The following CSMD1 variants were observed in gnomAD, a reference collection of about 807,000 sequenced individuals.
The protein encoded by CSMD1 is CUB and sushi domain-containing protein 1.
A neutral mutation model predicts 417.5 loss-of-function variants in CSMD1; 213 were observed. The observed-to-expected ratio is 0.51, with a 90% CI of 0.46 to 0.57. The LOEUF is 0.57. CSMD1 is among the 20% of genes least tolerant of loss of function. The pLI is 0.00. For synonymous variants in CSMD1, 2,862 were observed against 1,736.8 expected (o/e 1.65, Z -16.11); for missense variants, 6,923 against 4,529.7 (o/e 1.53, Z -15.17).
At position 4,419,962 on chromosome 8, in the gene CSMD1, A is replaced by C. The variant is rs1270545528; in HGVS notation, c.406T>G (p.Leu136Val). The change falls in exon 3 of 70, where the codon TTA (leucine) becomes GTA (valine). Residue 136 changes from leucine (L) to valine (V), a missense_variant. Leu to Val is a conservative substitution (Grantham distance 32). Transcript: ENST00000635120. The stretch of plus-strand genomic sequence containing the variant: ...ACAACCAATCTCCTACCTTCATATA[A>C]TGCTTTGAAACCTTGGGCACTCACA... ...FAVSAQGFKA[L>V]YEVLPSHTCG... 6.4e-7 allele frequency: 1 copy of C among 1,573,646 alleles called. No homozygotes were observed. Among genetic ancestry groups the C allele is most frequent in the Non-Finnish European group, 8.6e-7 (1 of 1,156,830 alleles).
At chr8:4,336,133 T>C (rs1800155499) in intron 3 of CSMD1, among the ~76,000 whole-genome samples, 1 of 152,110 alleles carries the variant, frequency 6.6e-6, no homozygotes, top group Non-Finnish European at 1.5e-5. Context: ...TGTATAAACT[T>C]CTCACTTTAA....
chr8:3,451,086 C>A (rs547162781), intron 12 of CSMD1, among the ~76,000 whole-genome samples: 3 of 152,094 alleles, frequency 2.0e-5, no homozygotes, highest in Non-Finnish European at 2.9e-5. Context: ...CATTTTTTCA[C>A]GTCTCTTTTG....
chr8:3,787,138 CAT>C (rs1272399154), intron 5 of CSMD1, among the ~76,000 whole-genome samples: 1 of 152,104 alleles, frequency 6.6e-6, no homozygotes, highest in Admixed American at 6.6e-5. Flanking sequence ...GTAGTCAAAA[CAT>C]ATTCTGAACA....
intron 5 of CSMD1, among the ~76,000 whole-genome samples, chr8:3,991,515 G>C (rs1036097700): frequency 3.3e-5 from 5 of 152,168 alleles, no homozygotes; most frequent in Non-Finnish European, 7.4e-5. Context: ...TGCTCAACAA[G>C]CAAGTATGCT....
chr8:3,706,082 G>T (rs1375770107), intron 7 of CSMD1, among the ~76,000 whole-genome samples: 2 of 152,244 alleles, frequency 1.3e-5, no homozygotes, highest in African/African-American at 4.8e-5. Context: ...CTGGAACGTG[G>T]CCTGGCCTGT....
intron 6 of CSMD1, among the ~76,000 whole-genome samples, chr8:3,718,412 CT>C (rs1166347080): frequency 1.3e-5 from 2 of 152,122 alleles, no homozygotes; most frequent in African/African-American, 4.8e-5. Flanking sequence ...AGTCAGTGTC[CT>C]TTCCTTGGTC....
At chr8:3,047,943 A>T (rs1308575443) in intron 50 of CSMD1, among the ~76,000 whole-genome samples, 1 of 152,206 alleles carries the variant, frequency 6.6e-6, no homozygotes, top group Non-Finnish European at 1.5e-5. Flanking sequence ...GTATTCACAA[A>T]CACCTCAACT....
intron 2 of CSMD1, among the ~76,000 whole-genome samples, chr8:4,555,026 A>G (rs73182999): frequency 0.17 from 25,774 of 152,116 alleles, 2,165 homozygotes; most frequent in Middle Eastern, 0.19. Context: ...AGTAAGACTC[A>G]GAGATGCTGG....
intron 1 of CSMD1, among the ~76,000 whole-genome samples, chr8:4,749,326 A>T (rs1384989882): frequency 6.6e-6 from 1 of 152,218 alleles, no homozygotes; most frequent in East Asian, 1.9e-4. Flanking sequence ...AGTATCACAA[A>T]ATCTTACATT....
chr8:3,198,256 C>G (rs914004276), intron 33 of CSMD1, among the ~76,000 whole-genome samples: 1 of 152,148 alleles, frequency 6.6e-6, no homozygotes, highest in Non-Finnish European at 1.5e-5. Context: ...AGGAAAGCCC[C>G]TTATAAAGGC....
At chr8:4,924,263 A>G (rs1418618689) in intron 1 of CSMD1, among the ~76,000 whole-genome samples, 3 of 152,200 alleles carry the variant, frequency 2.0e-5, no homozygotes, top group African/African-American at 7.2e-5. Flanking sequence ...AAAGTTGTAA[A>G]CAGTTTTGTA....
chr8:4,048,592 G>C (rs1313598816), intron 3 of CSMD1, among the ~76,000 whole-genome samples: 2 of 152,184 alleles, frequency 1.3e-5, no homozygotes, highest in Non-Finnish European at 2.9e-5. Context: ...TCCAGAGTTT[G>C]TATACAAACA....
intron 25 of CSMD1, among the ~76,000 whole-genome samples, chr8:3,296,724 G>C (rs1017875355): frequency 1.6e-4 from 25 of 152,282 alleles, no homozygotes; most frequent in African/African-American, 5.8e-4. Context: ...GTGTGCGTGA[G>C]GTGAGGATGT....
At chr8:4,935,434 T>C (rs1807548907) in intron 1 of CSMD1, among the ~76,000 whole-genome samples, 1 of 152,254 alleles carries the variant, frequency 6.6e-6, no homozygotes. Flanking sequence ...TCATTTCTAA[T>C]GCTTGCAGAA....
intron 5 of CSMD1, among the ~76,000 whole-genome samples, chr8:3,890,226 T>C (rs142198240): frequency 1.1e-4 from 16 of 152,302 alleles, no homozygotes; most frequent in African/African-American, 3.6e-4. Context: ...TAATAAAAGA[T>C]AAGAAATATT....
chr8:4,385,256 T>A (rs1563118347), intron 3 of CSMD1, among the ~76,000 whole-genome samples: 1 of 152,220 alleles, frequency 6.6e-6, no homozygotes, highest in African/African-American at 2.4e-5. Flanking sequence ...AATAGGTGTT[T>A]GATGTTTATT....
rs1464526015 is a variant in CSMD1, at chr8:3,606,710, AC to A, written c.1097+9999del. ...CTTACTGTAACAATTTTACTTCGTT[AC>A]AATTTTTTTTTTTTTTTTGAGACAG... is the stretch of plus-strand genomic sequence containing the variant. On this transcript the variant is annotated intron_variant, in intron 8 of 69. Transcript: ENST00000635120. Among the ~76,000 whole-genome samples, 152 of 99,796 alleles carry A rather than the reference AC, an allele frequency of 1.5e-3. No individual in the cohort carries two copies. In the Middle Eastern group the frequency reaches 0.022, roughly 15 times the overall value. 65.5% of individuals were successfully genotyped at this position (99,796 alleles called of 152,430 possible). A position where few individuals can be genotyped will look rare whatever the true frequency, so the allele number is the denominator to read the frequency against.
At chr8:4,425,602 G>A (rs1797503415) in intron 2 of CSMD1, among the ~76,000 whole-genome samples, 1 of 152,102 alleles carries the variant, frequency 6.6e-6, no homozygotes, top group African/African-American at 2.4e-5. Context: ...AAGTACTTCT[G>A]TGAGTATCCT....
chr8:4,178,212 C>T (rs1451914077), intron 3 of CSMD1, among the ~76,000 whole-genome samples: 1 of 152,158 alleles, frequency 6.6e-6, no homozygotes, highest in Admixed American at 6.5e-5. Flanking sequence ...TCCAGCAGCA[C>T]ATCAAAAAGC....
Sources: gnomAD v4.1 joint callset for allele counts (sites outside exome capture counted in the v4.1 genomes callset) on GRCh38, gnomAD v4.1.1 for gene constraint, MANE v1.5 for transcripts, NCBI Gene and HGNC (gene_info 2026-07-23, HGNC 2026-07-21) for gene names.